The following NCOA2 variants were observed in gnomAD, a reference collection of about 807,000 sequenced individuals.
The protein encoded by NCOA2 is class E basic helix-loop-helix protein 75.
A neutral mutation model predicts 145.1 loss-of-function variants in NCOA2; 21 were observed. The observed-to-expected ratio is 0.14, with a 90% CI of 0.10 to 0.21. NCOA2 has a LOEUF of 0.21. NCOA2 is among the 10% of genes least tolerant of loss of function. The pLI, the probability that NCOA2 is intolerant of heterozygous loss-of-function variation, is 1.00. For synonymous variants in NCOA2, 619 were observed against 637.5 expected (o/e 0.97, Z 0.44); for missense variants, 1,472 against 1,837.6 (o/e 0.80, Z 3.64).
intron 1 of NCOA2, among the ~76,000 whole-genome samples, chr8:70,302,826 A>C (rs905916301): frequency 7.9e-5 from 12 of 152,212 alleles, no homozygotes; most frequent in Admixed American, 3.3e-4. Context: ...TGTAAAAAAA[A>C]TTCATAGGCC....
At chr8:70,392,613 A>C (rs1813305504) in intron 1 of NCOA2, among the ~76,000 whole-genome samples, 1 of 152,014 alleles carries the variant, frequency 6.6e-6, no homozygotes. Flanking sequence ...TTTTTTTATC[A>C]CTTCTTCAAT....
At chr8:70,261,589 A>G (rs915004455) in intron 2 of NCOA2, among the ~76,000 whole-genome samples, 6 of 151,116 alleles carry the variant, frequency 4.0e-5, no homozygotes, top group Non-Finnish European at 7.4e-5. Context: ...CTTAAAGTAT[A>G]ATAATAATAA....
At chr8:70,357,288 C>CCTA (rs1809789048) in intron 1 of NCOA2, 1 of 151,910 alleles carries the variant, frequency 6.6e-6, no homozygotes, top group South Asian at 2.1e-4. Context: ...GAATAATATA[C>CCTA]CTAGCTGAAG....
intron 4 of NCOA2, among the ~76,000 whole-genome samples, chr8:70,190,461 TA>T (rs1816558138): frequency 6.6e-6 from 1 of 152,202 alleles, no homozygotes; most frequent in Non-Finnish European, 1.5e-5. Context: ...GGAGCTCAAT[TA>T]AAACCTTGAT....
intron 11 of NCOA2, among the ~76,000 whole-genome samples, chr8:70,153,550 T>A (rs976067992): frequency 6.6e-6 from 1 of 152,054 alleles, no homozygotes; most frequent in African/African-American, 2.4e-5. Flanking sequence ...TAGAAATAAA[T>A]CGTTTACACA....
At position 70,157,003 on chromosome 8, in the gene NCOA2, T is replaced by C. The variant is rs1196054574; in HGVS notation, c.1362A>G (p.Gln454=). 2 of 1,614,058 alleles carry C rather than the reference T, an allele frequency of 1.2e-6. No homozygotes were observed. The highest frequency in any genetic ancestry group is 3.3e-5 in the Admixed American group (2 of 60,030). ...AGTTACTACCCTGAGGAGTGGTTGCTTGCATGCCTGACACATGGTTCATTC... is the reference window on the plus strand; with the variant it reads ...AGTTACTACCCTGAGGAGTGGTTGCCTGCATGCCTGACACATGGTTCATTC... The part of the protein sequence containing the change: ...SGGMNHVSGM[Q]ATTPQGSNYA... Residue 454 remains glutamine (Q), a synonymous_variant, in exon 11 of 23, where the codon CAA becomes CAG. Transcript: ENST00000452400.
chr8:70,316,749 G>T, intron 1 of NCOA2, among the ~76,000 whole-genome samples: 1 of 152,318 alleles, frequency 6.6e-6, no homozygotes, highest in African/African-American at 2.4e-5. Context: ...ACCCTTACCA[G>T]AAAGTAACCG....
At chr8:70,293,939 T>C (rs971563572) in intron 2 of NCOA2, among the ~76,000 whole-genome samples, 2 of 152,144 alleles carry the variant, frequency 1.3e-5, no homozygotes, top group East Asian at 1.9e-4. Flanking sequence ...TTTACACTCA[T>C]AGATACAACT....
At chr8:70,294,689 G>T (rs755887744) in intron 2 of NCOA2, among the ~76,000 whole-genome samples, 1 of 152,128 alleles carries the variant, frequency 6.6e-6, no homozygotes, top group Non-Finnish European at 1.5e-5. Context: ...TGTACTAGGG[G>T]TATTTAGGCA....
chr8:70,352,872 T>C (rs558831433), intron 1 of NCOA2, among the ~76,000 whole-genome samples: 8 of 152,282 alleles, frequency 5.3e-5, no homozygotes, highest in Admixed American at 3.3e-4. Flanking sequence ...AGCTGAAATC[T>C]TGACTTTGTT....
chr8:70,426,798 GT>G, the NCOA2 span, among the ~76,000 whole-genome samples: 1 of 152,144 alleles, frequency 6.6e-6, no homozygotes, highest in African/African-American at 2.4e-5. Flanking sequence ...CTCTGAATTG[GT>G]TTTTGGTTTT....
At position 70,168,131 on chromosome 8, in the gene NCOA2, A is replaced by G. The variant is rs1239430868; in HGVS notation, c.542-1377T>C. ...ACATGTAGGTGTTACAGCGAATCCAATGGCCCATGAATGGCCCAGTGAACC... is the reference window on the plus strand; with the variant it reads ...ACATGTAGGTGTTACAGCGAATCCAGTGGCCCATGAATGGCCCAGTGAACC... On this transcript the variant is annotated intron_variant, in intron 6 of 22. Coordinates refer to ENST00000452400, the MANE Select transcript of NCOA2 (RefSeq NM_006540.4). 2.6e-5 allele frequency among the ~76,000 whole-genome samples: 4 copies of G among 152,222 alleles called. No individual in the cohort carries two copies. The East Asian group carries it at 7.7e-4, about 29-fold the overall frequency.
chr8:70,129,363 T>C (rs1283660202), intron 16 of NCOA2, among the ~76,000 whole-genome samples: 1 of 152,204 alleles, frequency 6.6e-6, no homozygotes, highest in Non-Finnish European at 1.5e-5. Context: ...TCTGTAGAGT[T>C]CATTTTAATT....
chr8:70,148,620 T>C (rs1811385834), intron 11 of NCOA2, 137 bp from the exon 12 acceptor site: 1 of 680,564 alleles, frequency 1.5e-6, no homozygotes, highest in East Asian at 2.7e-5. Context: ...ACCACAGGCC[T>C]AACAGATAAT....
chr8:70,193,892 G>GGAAAGGCATCTCAGTGAT (rs1194160257), intron 4 of NCOA2, among the ~76,000 whole-genome samples: 1 of 152,172 alleles, frequency 6.6e-6, no homozygotes, highest in Non-Finnish European at 1.5e-5. Context: ...AACTGGCAGT[G>GGAAAGGCATCTCAGTGAT]GAAAGGCATC....
At chr8:70,389,751 C>T (rs1563836858) in intron 1 of NCOA2, among the ~76,000 whole-genome samples, 1 of 152,054 alleles carries the variant, frequency 6.6e-6, no homozygotes, top group Non-Finnish European at 1.5e-5. Context: ...TCACTGCAAC[C>T]TCTGCCTCCC....
At chr8:70,267,213 C>T (rs1290208102) in intron 2 of NCOA2, among the ~76,000 whole-genome samples, 1 of 152,098 alleles carries the variant, frequency 6.6e-6, no homozygotes, top group East Asian at 1.9e-4. Context: ...TTACACCTAC[C>T]TGTGAAGATG....
At chr8:70,166,862 T>C in intron 6 of NCOA2, 108 bp from the exon 7 acceptor site, 1 of 1,020,134 alleles carries the variant, frequency 9.8e-7, no homozygotes, top group South Asian at 1.6e-5. Context: ...CATCTTTATG[T>C]ACTACTTTTA....
chr8:70,258,426 ACTC>A (rs1243399466), intron 2 of NCOA2, among the ~76,000 whole-genome samples: 6 of 151,988 alleles, frequency 3.9e-5, no homozygotes, highest in African/African-American at 1.4e-4. Flanking sequence ...CCAAAATTGA[ACTC>A]CTCACCTTTC....
Sources: allele counts gnomAD v4.1 joint callset (sites outside exome capture counted in the v4.1 genomes callset), GRCh38; gene constraint gnomAD v4.1.1; transcripts MANE v1.5; gene names NCBI Gene and HGNC (gene_info 2026-07-23, HGNC 2026-07-21).